Variants in SNTG1 observed in about 807,000 individuals in gnomAD.
SNTG1 encodes syntrophin gamma 1, also known as gamma-1-syntrophin.
In SNTG1, 39 loss-of-function variants were observed where a neutral mutation model predicts 74.7. The ratio of observed to expected loss-of-function variants is 0.52; its 90% CI spans 0.40 to 0.68. The LOEUF (loss-of-function observed/expected upper bound fraction) is 0.68, where lower values mean the gene tolerates loss of function less well. SNTG1 is among the 30% of genes least tolerant of loss of function. The probability of loss-of-function intolerance (pLI) is 0.00; values close to 1 mark genes in which losing one functional copy is unlikely to be tolerated. For synonymous variants in SNTG1, 254 were observed against 217.1 expected (o/e 1.17, Z -1.49); for missense variants, 685 against 609.5 (o/e 1.12, Z -1.30).
chr8:50,575,347 G>A (rs1563598042), intron 12 of SNTG1, among the ~76,000 whole-genome samples: 1 of 152,042 alleles, frequency 6.6e-6, no homozygotes, highest in Admixed American at 6.5e-5. Context: ...CCATTGCAAG[G>A]CCAAACACAC....
intron 1 of SNTG1, among the ~76,000 whole-genome samples, chr8:50,008,053 C>T (rs959265089): frequency 2.0e-5 from 3 of 151,982 alleles, no homozygotes; most frequent in African/African-American, 4.8e-5. Flanking sequence ...TCACCGGGTC[C>T]CTCCCTCAAC....
intron 1 of SNTG1, among the ~76,000 whole-genome samples, chr8:50,021,810 T>G (rs1258113251): frequency 6.6e-6 from 1 of 151,648 alleles, no homozygotes; most frequent in Admixed American, 6.6e-5. Context: ...GCATGGTGGC[T>G]TGTGCTTGTA....
At chr8:50,211,716 A>T (rs7018082) in intron 2 of SNTG1, among the ~76,000 whole-genome samples, 65,424 of 151,896 alleles carry the variant, frequency 0.43, 17,840 homozygotes, top group African/African-American at 0.78. Flanking sequence ...AAACATTTTT[A>T]AAAAATGTTT....
intron 2 of SNTG1, among the ~76,000 whole-genome samples, chr8:50,238,814 C>T (rs2086036914): frequency 6.6e-6 from 1 of 151,996 alleles, no homozygotes; most frequent in South Asian, 2.1e-4. Flanking sequence ...CAAACAACCC[C>T]ATTAAAAGAT....
At chr8:50,621,562 T>C (rs2094923548) in intron 13 of SNTG1, among the ~76,000 whole-genome samples, 1 of 152,212 alleles carries the variant, frequency 6.6e-6, no homozygotes, top group Non-Finnish European at 1.5e-5. Context: ...GCCTCGATAA[T>C]ACAAACAATG....
chr8:50,337,422 T>A (rs532438606), intron 2 of SNTG1, among the ~76,000 whole-genome samples: 30 of 152,296 alleles, frequency 2.0e-4, no homozygotes, highest in African/African-American at 7.0e-4. Flanking sequence ...GAGTTTTACC[T>A]CCAGGAGACT....
intron 2 of SNTG1, among the ~76,000 whole-genome samples, chr8:50,340,158 T>C (rs1379865188): frequency 1.3e-5 from 2 of 152,012 alleles, no homozygotes; most frequent in Non-Finnish European, 2.9e-5. Context: ...AATTTATATA[T>C]AGTTTCAACA....
At chr8:50,662,994 A>T (rs2095232302) in intron 15 of SNTG1, among the ~76,000 whole-genome samples, 1 of 152,162 alleles carries the variant, frequency 6.6e-6, no homozygotes, top group South Asian at 2.1e-4. Flanking sequence ...ATTCCAGCTG[A>T]TGAAGGAGTT....
intron 1 of SNTG1, among the ~76,000 whole-genome samples, chr8:49,955,856 G>T (rs1178537053): frequency 1.3e-5 from 2 of 152,122 alleles, no homozygotes; most frequent in Non-Finnish European, 2.9e-5. Flanking sequence ...CTTTTCTCAG[G>T]CTTGTCGATT....
chr8:50,095,775 G>T (rs1324585973), intron 1 of SNTG1, among the ~76,000 whole-genome samples: 1 of 152,048 alleles, frequency 6.6e-6, no homozygotes, highest in Admixed American at 6.6e-5. Context: ...ACTGAAGAAA[G>T]ATGTGGATTT....
chr8:50,246,303 T>TG (rs979726627), intron 2 of SNTG1, among the ~76,000 whole-genome samples: 1 of 151,618 alleles, frequency 6.6e-6, no homozygotes, highest in African/African-American at 2.4e-5. Context: ...AAAAAGTGTG[T>TG]GGAAAAATGG....
intron 1 of SNTG1, among the ~76,000 whole-genome samples, chr8:49,916,670 GA>G (rs1000007670): frequency 5.3e-5 from 8 of 151,924 alleles, no homozygotes; most frequent in African/African-American, 1.7e-4. Flanking sequence ...AAATCTTTTA[GA>G]AATGGTGCCA....
At chr8:50,574,902 T>A (rs1429400508) in intron 12 of SNTG1, among the ~76,000 whole-genome samples, 4 of 152,226 alleles carry the variant, frequency 2.6e-5, no homozygotes, top group African/African-American at 9.6e-5. Flanking sequence ...GACAACAATG[T>A]GTGAAAGTAT....
chr8:50,281,077 A>G (rs1396658120), intron 2 of SNTG1, among the ~76,000 whole-genome samples: 1 of 152,074 alleles, frequency 6.6e-6, no homozygotes, highest in East Asian at 1.9e-4. Context: ...TAATTTCCCC[A>G]TTAGAAGACA....
chr8:50,756,154 C>G (rs1299523870), intron 18 of SNTG1, among the ~76,000 whole-genome samples: 2 of 151,828 alleles, frequency 1.3e-5, no homozygotes, highest in Non-Finnish European at 2.9e-5. Context: ...TCCTTAGCAT[C>G]TTTTATCTGC....
intron 18 of SNTG1, among the ~76,000 whole-genome samples, chr8:50,785,639 G>T (rs2095672560): frequency 6.6e-6 from 1 of 151,904 alleles, no homozygotes; most frequent in Non-Finnish European, 1.5e-5. Context: ...TCAAAATATA[G>T]AAAAAGGGGA....
intron 1 of SNTG1, among the ~76,000 whole-genome samples, chr8:49,931,483 C>A (rs12543434): frequency 6.6e-6 from 1 of 151,942 alleles, no homozygotes; most frequent in East Asian, 1.9e-4. Context: ...TGATGGGATC[C>A]GTAACCCAAA....
At chr8:49,961,135 C>T (rs908964994) in intron 1 of SNTG1, among the ~76,000 whole-genome samples, 6 of 152,214 alleles carry the variant, frequency 3.9e-5, no homozygotes, top group Non-Finnish European at 7.4e-5. Flanking sequence ...GCAGGGTCAC[C>T]CTGTTCTCTG....
intron 12 of SNTG1, among the ~76,000 whole-genome samples, chr8:50,569,453 C>G (rs1275088093): frequency 1.3e-5 from 2 of 151,142 alleles, no homozygotes; most frequent in African/African-American, 4.9e-5. Context: ...ATCTGCTGTA[C>G]TACCACTTGC....
Sources: gnomAD v4.1 joint callset for allele counts (sites outside exome capture counted in the v4.1 genomes callset) on GRCh38, gnomAD v4.1.1 for gene constraint, MANE v1.5 for transcripts, NCBI Gene and HGNC (gene_info 2026-07-23, HGNC 2026-07-21) for gene names.